The following HHAT variants were observed in gnomAD, a reference collection of about 807,000 sequenced individuals.
HHAT encodes protein-cysteine N-palmitoyltransferase HHAT.
HHAT carries 47 observed loss-of-function variants against 70.8 expected under a neutral mutation model. The observed-to-expected ratio is 0.66, with a 90% CI of 0.53 to 0.85. HHAT has a LOEUF of 0.85. HHAT is among the 40% of genes least tolerant of loss of function. The pLI is 0.00. For synonymous variants in HHAT, 228 were observed against 247.6 expected, an observed-to-expected ratio of 0.92 and a Z score of 0.74; for missense variants, 609 against 604.8, an observed-to-expected ratio of 1.01 and a Z score of -0.07.
intron 9 of HHAT, among the ~76,000 whole-genome samples, chr1:210,578,856 G>A (rs1658521263): frequency 6.6e-6 from 1 of 152,154 alleles, no homozygotes; most frequent in African/African-American, 2.4e-5. Flanking sequence ...CCACATGTAT[G>A]TAGATGTTTA....
At chr1:210,468,624 T>A (rs570181165) in intron 8 of HHAT, among the ~76,000 whole-genome samples, 2 of 152,260 alleles carry the variant, frequency 1.3e-5, no homozygotes, top group East Asian at 3.9e-4. Flanking sequence ...ATAGAATAAT[T>A]TAGGTCCCTA....
intron 8 of HHAT, among the ~76,000 whole-genome samples, chr1:210,472,871 A>C (rs893986643): frequency 6.6e-6 from 1 of 152,234 alleles, no homozygotes; most frequent in African/African-American, 2.4e-5. Context: ...TTTTCTGATT[A>C]ACTATTGGGA....
At chr1:210,420,603 A>G (rs2092870155) in intron 7 of HHAT, among the ~76,000 whole-genome samples, 2 of 152,118 alleles carry the variant, frequency 1.3e-5, no homozygotes, top group African/African-American at 4.8e-5. Flanking sequence ...ATGTATACAT[A>G]TGTAGCTAAC....
At chr1:210,383,152 C>T (rs2090778878) in intron 3 of HHAT, among the ~76,000 whole-genome samples, 1 of 152,160 alleles carries the variant, frequency 6.6e-6, no homozygotes, top group East Asian at 1.9e-4. Flanking sequence ...CCAGCCTGGA[C>T]AATGTGGTGA....
At chr1:210,451,447 CT>C (rs1036553294) in intron 7 of HHAT, among the ~76,000 whole-genome samples, 4 of 152,112 alleles carry the variant, frequency 2.6e-5, no homozygotes, top group Admixed American at 6.6e-5. Flanking sequence ...AGAAAGGTGA[CT>C]TTTTTTCTTT....
At chr1:210,366,416 G>A (rs2088973290) in intron 3 of HHAT, among the ~76,000 whole-genome samples, 1 of 152,160 alleles carries the variant, frequency 6.6e-6, no homozygotes, top group South Asian at 2.1e-4. Flanking sequence ...CGATCATTGA[G>A]GTCAGGAGTA....
At chr1:210,485,361 A>T (rs1047121538) in intron 8 of HHAT, among the ~76,000 whole-genome samples, 1 of 152,166 alleles carries the variant, frequency 6.6e-6, no homozygotes, top group Non-Finnish European at 1.5e-5. Context: ...CTTCTTCACT[A>T]GTCAGCCCTG....
chr1:210,473,426 G>A (rs1433192806), intron 8 of HHAT, among the ~76,000 whole-genome samples: 1 of 152,126 alleles, frequency 6.6e-6, no homozygotes, highest in Non-Finnish European at 1.5e-5. Context: ...TTAGCCAAGA[G>A]GAGGGGTCCA....
At chr1:210,630,138 G>GCCT (rs1670590983) in intron 11 of HHAT, among the ~76,000 whole-genome samples, 1 of 152,172 alleles carries the variant, frequency 6.6e-6, no homozygotes, top group Non-Finnish European at 1.5e-5. Context: ...ACCGCACCTG[G>GCCT]CCTCCTCCTC....
chr1:210,329,230 C>T (rs2084765414), intron 1 of HHAT, 126 bp downstream of exon 1: 1 of 1,237,816 alleles, frequency 8.1e-7, no homozygotes, highest in Non-Finnish European at 1.0e-6. Flanking sequence ...CCCGTGTGCG[C>T]GCCCGAGGGC....
intron 9 of HHAT, among the ~76,000 whole-genome samples, chr1:210,579,861 G>A (rs1227948383): frequency 6.6e-6 from 1 of 152,184 alleles, no homozygotes; most frequent in South Asian, 2.1e-4. Context: ...CAGAGTTTGG[G>A]TTTTGAACTA....
At chr1:210,346,089 G>A (rs531273427) in intron 1 of HHAT, among the ~76,000 whole-genome samples, 3 of 150,262 alleles carry the variant, frequency 2.0e-5, no homozygotes, top group South Asian at 4.2e-4. Flanking sequence ...AAAAAAAGCA[G>A]CACCAAAATG....
At chr1:210,428,134 C>A (rs1051283520) in intron 7 of HHAT, among the ~76,000 whole-genome samples, 5 of 149,844 alleles carry the variant, frequency 3.3e-5, no homozygotes, top group African/African-American at 1.3e-4. Flanking sequence ...TTCTGTTTTG[C>A]ATTTCCGTCC....
At chr1:210,664,806 G>A (rs1678541989) in intron 11 of HHAT, among the ~76,000 whole-genome samples, 1 of 152,248 alleles carries the variant, frequency 6.6e-6, no homozygotes, top group East Asian at 1.9e-4. Flanking sequence ...CCAGGACCAT[G>A]GCTTTTACTC....
intron 11 of HHAT, among the ~76,000 whole-genome samples, chr1:210,673,729 C>A (rs2148990334): frequency 6.6e-6 from 1 of 151,440 alleles, no homozygotes. Flanking sequence ...GTAGCTAGGA[C>A]TACAGAAACA....
At chr1:210,388,516 C>T (rs888114358) in intron 4 of HHAT, among the ~76,000 whole-genome samples, 6 of 152,118 alleles carry the variant, frequency 3.9e-5, no homozygotes, top group South Asian at 2.1e-4. Context: ...TAGGAAATCC[C>T]GACAGCATAT....
In HHAT at chr1:210,387,472, C is replaced by T. The variant is rs139380328; in HGVS notation, c.164C>T (p.Ala55Val). ...AAACTATTTTGTCCTATTTAGGATGCGACCGACTTTGAGTGGAGCTTCTGG... is the reference window on the plus strand; with the variant it reads ...AAACTATTTTGTCCTATTTAGGATGTGACCGACTTTGAGTGGAGCTTCTGG... ...DTLFGGLKKD[A>V]TDFEWSFWME... The change falls in exon 4 of 12, where the codon GCG becomes GTG. Residue 55 changes from alanine (A) to valine (V), a missense_variant. Ala to Val is a moderately conservative substitution (Grantham distance 64). Coordinates refer to ENST00000261458, the MANE Select transcript of HHAT (RefSeq NM_018194.6). The T allele has an allele frequency of 3.4e-5, 55 of 1,613,528 alleles. No individual in the cohort carries two copies. The highest frequency in any genetic ancestry group is 2.9e-4 in the East Asian group (13 of 44,892).
At chr1:210,423,050 A>G (rs12728944) in intron 7 of HHAT, among the ~76,000 whole-genome samples, 14,940 of 152,252 alleles carry the variant, frequency 0.098, 905 homozygotes, top group Non-Finnish European at 0.14. Context: ...ATGTCTCTTG[A>G]ATATAATGAT....
At chr1:210,334,929 C>G (rs191552248) in intron 1 of HHAT, among the ~76,000 whole-genome samples, 54 of 152,152 alleles carry the variant, frequency 3.5e-4, no homozygotes, top group African/African-American at 1.3e-3. Flanking sequence ...CTACCAAAAA[C>G]ATTGAATTTG....
Sources: allele counts gnomAD v4.1 joint callset (sites outside exome capture counted in the v4.1 genomes callset), GRCh38; gene constraint gnomAD v4.1.1; transcripts MANE v1.5; gene names NCBI Gene and HGNC (gene_info 2026-07-23, HGNC 2026-07-21).